ERI1: variants seen among roughly 807,000 people sequenced by gnomAD.
ERI1 encodes exoribonuclease 1, also known as 3'-5' exoribonuclease 1.
ERI1 carries 39 observed loss-of-function variants against 39.7 expected under a neutral mutation model. The observed-to-expected ratio is 0.98, with a 90% CI of 0.76 to 1.28. ERI1 has a LOEUF of 1.28. ERI1 is among the 50% of genes most tolerant of loss of function. The pLI is 0.00. For synonymous variants in ERI1, 204 were observed against 149.6 expected (o/e 1.36, Z -2.65); for missense variants, 581 against 416.9 (o/e 1.39, Z -3.43).
At chr8:9,017,037 A>AT (rs1218957268) in intron 4 of ERI1, among the ~76,000 whole-genome samples, 1 of 151,384 alleles carries the variant, frequency 6.6e-6, no homozygotes, top group African/African-American at 2.4e-5. Flanking sequence ...TTTTGCATTT[A>AT]TTTTTTATTT....
At chr8:9,042,363 A>C (rs780231918) in intron 3 of ERI1, among the ~76,000 whole-genome samples, 7 of 152,208 alleles carry the variant, frequency 4.6e-5, no homozygotes, top group Non-Finnish European at 7.3e-5. Flanking sequence ...TTTGAGATCC[A>C]ATTTCTTGAG....
rs568311435 is a variant in ERI1 at position 9,055,334 on chromosome 8, A to G, written n.299+34870A>G. ...GAGGTTATAGTTCATGATGTGCTTT[A>G]GGTCAAACTTAAAATATGTAAGGAG... On this transcript the variant is annotated intron_variant and non_coding_transcript_variant, in intron 3 of 3. Coordinates refer to the ERI1 transcript ENST00000518663. Among the ~76,000 whole-genome samples, 149 of 152,374 alleles carry G rather than the reference A, an allele frequency of 9.8e-4. 1 individual carries two copies. Among genetic ancestry groups the G allele is most frequent in the African/African-American group, 3.5e-3 (144 of 41,592 alleles).
intron 3 of ERI1, among the ~76,000 whole-genome samples, chr8:9,079,119 GA>G (rs1033174143): frequency 3.9e-5 from 6 of 152,018 alleles, no homozygotes; most frequent in Non-Finnish European, 7.4e-5. Flanking sequence ...ATAGGGAGGG[GA>G]AAAAAGATTT....
chr8:9,095,587 C>G (rs919503142), intron 3 of ERI1, among the ~76,000 whole-genome samples: 2 of 152,026 alleles, frequency 1.3e-5, no homozygotes, highest in Non-Finnish European at 2.9e-5. Context: ...TTTACTGCAG[C>G]CTCAACTTCC....
chr8:9,008,295 T>G (rs1816263251), intron 2 of ERI1, 147 bp downstream of exon 2: 3 of 722,888 alleles, frequency 4.2e-6, no homozygotes, highest in Non-Finnish European at 4.2e-6. Flanking sequence ...TTAACATTTT[T>G]TATGTGCAAC....
In ERI1 at chr8:9,032,114, G is replaced by C. The variant is rs956761939; in HGVS notation, c.*2080G>C. On this transcript the variant is annotated 3_prime_UTR_variant, in exon 7 of 7. Transcript: ENST00000250263. ...CTGTCCTCCCCTCCAATTTGATTTGGGATTTTGCTGATGAGATGATACTAA... is the reference window on the plus strand; with the variant it reads ...CTGTCCTCCCCTCCAATTTGATTTGCGATTTTGCTGATGAGATGATACTAA... 13 of 151,946 alleles carry C rather than the reference G, an allele frequency of 8.6e-5. No homozygotes were observed. The highest frequency in any genetic ancestry group is 1.6e-4 in the Non-Finnish European group (11 of 68,016). The allele number at this position is 151,946 out of a possible 1,614,324, so 9.4% of individuals were successfully genotyped here.
downstream of ERI1, among the ~76,000 whole-genome samples, chr8:9,034,219 A>C (rs562581690): frequency 2.6e-5 from 4 of 152,344 alleles, no homozygotes; most frequent in African/African-American, 9.6e-5. Context: ...CTGCTTTTCT[A>C]CTTGCAAGTG....
At chr8:9,045,671 A>T (rs1034322863) in intron 3 of ERI1, among the ~76,000 whole-genome samples, 1 of 147,998 alleles carries the variant, frequency 6.8e-6, no homozygotes, top group African/African-American at 2.6e-5. Flanking sequence ...ATCAGAATCT[A>T]TAGAATTTTT....
intron 3 of ERI1, among the ~76,000 whole-genome samples, chr8:9,093,504 TAAAAAAAAAAAA>T (rs1040785856): frequency 1.6e-5 from 2 of 124,866 alleles, no homozygotes; most frequent in Admixed American, 1.7e-4. Context: ...ACCTTGTCTC[TAAAAAAAAAAAA>T]AAAAAAGAAG....
At chr8:9,005,522 T>A (rs184814493) in intron 1 of ERI1, among the ~76,000 whole-genome samples, 4,246 of 150,440 alleles carry the variant, frequency 0.028, 82 homozygotes, top group Non-Finnish European at 0.038. Context: ...ATGTTTTTTT[T>A]TTTTTTTTTT....
chr8:9,016,568 A>T (rs1401457691), intron 4 of ERI1, among the ~76,000 whole-genome samples, 163 bp downstream of exon 4: 1 of 152,024 alleles, frequency 6.6e-6, no homozygotes, highest in Admixed American at 6.6e-5. Flanking sequence ...AAAACAGCAA[A>T]TTTTATATCT....
intron 2 of ERI1, among the ~76,000 whole-genome samples, chr8:9,009,875 C>T (rs1816481314): frequency 1.3e-5 from 2 of 152,150 alleles, no homozygotes; most frequent in Admixed American, 6.5e-5. Flanking sequence ...ACACAGTATA[C>T]CTCAGGAACA....
At chr8:9,020,185 A>T (rs993985196) in intron 5 of ERI1, among the ~76,000 whole-genome samples, 165 bp from the exon 6 acceptor site, 10 of 152,166 alleles carry the variant, frequency 6.6e-5, no homozygotes, top group African/African-American at 2.4e-4. Flanking sequence ...TTTAAAGCTT[A>T]ATTTTGAATT....
chr8:9,007,883 G>C, intron 1 of ERI1, 87 bp from the exon 2 acceptor site: 1 of 1,485,786 alleles, frequency 6.7e-7, no homozygotes, highest in Admixed American at 2.7e-5. Context: ...TCAGAAGTTT[G>C]AAAGTTTGAA....
intron 3 of ERI1, among the ~76,000 whole-genome samples, chr8:9,012,557 C>T (rs752763452): frequency 2.0e-5 from 3 of 152,092 alleles, no homozygotes; most frequent in Non-Finnish European, 4.4e-5. Context: ...TAGCCTATTT[C>T]TATAATTTTC....
At chr8:9,080,637 C>G (rs763583754) in intron 3 of ERI1, among the ~76,000 whole-genome samples, 6 of 152,284 alleles carry the variant, frequency 3.9e-5, no homozygotes, top group African/African-American at 9.6e-5. Context: ...TGCCTTATTC[C>G]CCATTGTCTC....
Position 9,002,914 on chromosome 8 carries a change from G to A in ERI1, c.-150G>A. The stretch of plus-strand genomic sequence containing the variant: ...TGGACGCCACACGCTCCCGGAAGTG[G>A]GAGGTGGCCGCTGGAGTTTGTGTGG... On this transcript the variant is annotated 5_prime_UTR_variant, in exon 1 of 7. Transcript: ENST00000250263. 2.1e-6 allele frequency: 1 copy of A among 484,344 alleles called. No individual in the cohort carries two copies. Among genetic ancestry groups the A allele is most frequent in the Non-Finnish European group, 3.3e-6 (1 of 305,752 alleles). 30.0% of individuals were successfully genotyped at this position (484,344 alleles called of 1,614,324 possible).
At chr8:9,009,300 A>T (rs953298652) in intron 2 of ERI1, among the ~76,000 whole-genome samples, 1 of 152,128 alleles carries the variant, frequency 6.6e-6, no homozygotes, top group Non-Finnish European at 1.5e-5. Flanking sequence ...GGCCAATGCT[A>T]TATTGGAGGT....
intron 3 of ERI1, among the ~76,000 whole-genome samples, chr8:9,085,669 A>C (rs947467749): frequency 2.0e-5 from 3 of 151,896 alleles, no homozygotes; most frequent in Non-Finnish European, 2.9e-5. Flanking sequence ...TCTGGCCCTT[A>C]ACAGAGAAAG....
Sources: gnomAD v4.1 joint callset for allele counts (sites outside exome capture counted in the v4.1 genomes callset) on GRCh38, gnomAD v4.1.1 for gene constraint, MANE v1.5 for transcripts, NCBI Gene and HGNC (gene_info 2026-07-23, HGNC 2026-07-21) for gene names.